CRHR2: variants seen among roughly 807,000 people sequenced by gnomAD.
CRHR2 encodes corticotropin releasing hormone receptor 2, also known as corticotropin-releasing hormone receptor 2.
CRHR2 carries 53 observed loss-of-function variants against 57.9 expected under a neutral mutation model. The ratio of observed to expected loss-of-function variants is 0.92; its 90% confidence interval spans 0.73 to 1.15. The LOEUF is 1.15. Ranked by LOEUF, CRHR2 falls within the 50% of genes most tolerant of loss-of-function variation. The probability of loss-of-function intolerance (pLI) is 0.00; values close to 1 mark genes in which losing one functional copy is unlikely to be tolerated. For synonymous variants in CRHR2, 213 were observed against 220.9 expected, an observed-to-expected ratio of 0.96 and a Z score of 0.32; for missense variants, 532 against 542.6, an observed-to-expected ratio of 0.98 and a Z score of 0.19.
At chr7:30,672,927 G>A (rs1017083532) in intron 2 of CRHR2, among the ~76,000 whole-genome samples, 11 of 152,184 alleles carry the variant, frequency 7.2e-5, no homozygotes, top group African/African-American at 2.7e-4. Flanking sequence ...CTCTCCCTTG[G>A]GACACGCTTC....
intron 1 of CRHR2, among the ~76,000 whole-genome samples, chr7:30,694,586 C>T (rs937087639): frequency 6.6e-6 from 1 of 152,164 alleles, no homozygotes; most frequent in African/African-American, 2.4e-5. Context: ...GCCCAGGCTG[C>T]CAGGGACCGG....
chr7:30,678,874 A>G (rs1278759346), intron 2 of CRHR2, among the ~76,000 whole-genome samples: 2 of 152,172 alleles, frequency 1.3e-5, no homozygotes, highest in East Asian at 1.9e-4. Flanking sequence ...GGGTCTGTGC[A>G]GAAATCCCCT....
intron 1 of CRHR2, among the ~76,000 whole-genome samples, chr7:30,695,932 A>G (rs1785047975): frequency 6.6e-6 from 1 of 152,178 alleles, no homozygotes; most frequent in South Asian, 2.1e-4. Flanking sequence ...AGGTAAAAAT[A>G]GGTGAGGTGC....
chr7:30,667,170 A>T, intron 3 of CRHR2, 58 bp downstream of exon 3: 1 of 1,518,494 alleles, frequency 6.6e-7, no homozygotes. Context: ...TTCTCTGCTC[A>T]ACCTGAGTCC....
upstream of CRHR2, chr7:30,682,847 TGAGCGAGGACACTG>T (rs1314392642): frequency 6.6e-6 from 1 of 152,564 alleles, no homozygotes; most frequent in Non-Finnish European, 1.5e-5. Flanking sequence ...TTCCCCTCCC[TGAGCGAGGACACTG>T]GAGGGAGGCA....
upstream of CRHR2, among the ~76,000 whole-genome samples, chr7:30,683,737 A>T (rs1391147839): frequency 6.6e-6 from 1 of 152,116 alleles, no homozygotes; most frequent in Non-Finnish European, 1.5e-5. Flanking sequence ...TCTGGGGAAG[A>T]CATACATGTG....
At chr7:30,655,540 A>G in intron 10 of CRHR2, 40 bp downstream of exon 10, 1 of 1,588,808 alleles carries the variant, frequency 6.3e-7, no homozygotes, top group Non-Finnish European at 8.6e-7. Context: ...CAGCCTCAGG[A>G]AAGCTCACTG....
intron 2 of CRHR2, among the ~76,000 whole-genome samples, chr7:30,668,925 C>T (rs1784269370): frequency 6.6e-6 from 1 of 152,176 alleles, no homozygotes; most frequent in Non-Finnish European, 1.5e-5. Flanking sequence ...CAGGTGGGAT[C>T]TAATTTGATA....
upstream of CRHR2, among the ~76,000 whole-genome samples, chr7:30,685,443 T>C (rs1267926575): frequency 6.6e-6 from 1 of 152,214 alleles, no homozygotes; most frequent in Non-Finnish European, 1.5e-5. Flanking sequence ...AGAGGGAGTC[T>C]ATTCAGGCAC....
rs1339969033 is a variant in CRHR2 at position 30,652,091 on chromosome 7, ACT to A, written c.*1367_*1368del. 2 of 152,218 alleles carry A rather than the reference ACT, an allele frequency of 1.3e-5. No homozygotes were observed. The highest frequency in any genetic ancestry group is 2.9e-5 in the Non-Finnish European group (2 of 68,032). The allele number at this position is 152,218 out of a possible 1,614,324, so 9.4% of individuals were successfully genotyped here. ...AAGACGGGATACATGATTTTTCAAA[ACT>A]TATTTTTGTAGGGGGTACCTAGAGC... On this transcript the variant is annotated 3_prime_UTR_variant, in exon 12 of 12. Coordinates refer to ENST00000471646, the MANE Select transcript of CRHR2 (RefSeq NM_001883.5). The surrounding 1 kb of genome is among the most constrained non-coding windows in gnomAD (Gnocchi z 4.4).
rs543221809 is a variant in CRHR2 at position 30,653,379 on chromosome 7, C to T, written c.*81G>A. ...CTCTCCCCTCCCATCTCCTGCCCCACGAGAGCCTGCCCAGCACAGAGAACC... is the reference window on the plus strand; with the variant it reads ...CTCTCCCCTCCCATCTCCTGCCCCATGAGAGCCTGCCCAGCACAGAGAACC... On this transcript the variant is annotated 3_prime_UTR_variant, in exon 12 of 12. Transcript: ENST00000471646. The surrounding 1 kb of genome is among the most constrained non-coding windows in gnomAD (Gnocchi z 5.0). 9.9e-5 allele frequency: 153 copies of T among 1,539,636 alleles called. 1 individual carries two copies. The South Asian group carries it at 1.5e-3, about 15-fold the overall frequency.
upstream of CRHR2, among the ~76,000 whole-genome samples, chr7:30,685,850 G>A (rs567953005): frequency 2.0e-5 from 3 of 152,158 alleles, no homozygotes; most frequent in East Asian, 1.9e-4. Context: ...TTATAATTAC[G>A]ATCCTGTCAC....
upstream of CRHR2, among the ~76,000 whole-genome samples, chr7:30,683,877 A>G (rs1050267170): frequency 6.6e-6 from 1 of 152,200 alleles, no homozygotes. Context: ...ACCACCATGA[A>G]CTAGCACCAT....
chr7:30,669,356 GGTGA>G (rs1784287953), intron 2 of CRHR2, among the ~76,000 whole-genome samples: 1 of 152,146 alleles, frequency 6.6e-6, no homozygotes, highest in Admixed American at 6.5e-5. Flanking sequence ...GAGCTGTCTA[GGTGA>G]GTGAGTCTGG....
At position 30,656,192 on chromosome 7, in the gene CRHR2, A is replaced by G. The variant is rs1783783720; in HGVS notation, c.832-180T>C. 6.6e-6 allele frequency among the ~76,000 whole-genome samples: 1 copy of G among 151,520 alleles called. No individual in the cohort carries two copies. The highest frequency in any genetic ancestry group is 6.6e-5 in the Admixed American group (1 of 15,236). ...AGGCCTGTGCTCCTCCCTCGCCAGG[A>G]TGGGGAGACAGCCCCATTTTCCAGG... On this transcript the variant is annotated intron_variant, in intron 8 of 11. Coordinates refer to ENST00000471646, the MANE Select transcript of CRHR2 (RefSeq NM_001883.5). The surrounding 1 kb of genome is among the most constrained non-coding windows in gnomAD (Gnocchi z 4.4).
chr7:30,682,243 T>C lies in CRHR2; in HGVS notation c.38A>G (p.Asn13Ser), dbSNP rs559667175. 2.5e-6 allele frequency: 4 copies of C among 1,589,386 alleles called. No individual in the cohort carries two copies. In the East Asian group the frequency reaches 6.9e-5, roughly 27 times the overall value. The change falls in exon 1 of 12, where the codon AAC becomes AGC. Residue 13 changes from asparagine (N) to serine (S), a missense_variant. Transcript: ENST00000471646. ...CTCTTCAGCCAGCGCCAGGCTGCAG[T>C]TGGCCTCCAGCAGGCTGTGGAGCAG... ...AALLHSLLEA[N>S]CSLALAEELL...
At chr7:30,671,226 T>C (rs1784341245) in intron 2 of CRHR2, among the ~76,000 whole-genome samples, 1 of 152,240 alleles carries the variant, frequency 6.6e-6, no homozygotes, top group Non-Finnish European at 1.5e-5. Flanking sequence ...TTATATGTTA[T>C]GTGAGACTCC....
Position 30,656,981 on chromosome 7 carries a change from C to T in CRHR2, c.832-969G>A, listed in dbSNP as rs182699415. On this transcript the variant is annotated intron_variant, in intron 8 of 11. Transcript: ENST00000471646. This position sits in a 1 kb window ranked among gnomAD's most constrained non-coding sequence, Gnocchi z 4.4. ...GGCAGGCAGGCAAGGGAGTGTGTGT[C>T]GGCCTGACACAGTGGGGCTGTTTCC... 3.5e-4 allele frequency among the ~76,000 whole-genome samples: 54 copies of T among 152,198 alleles called. No homozygotes were observed. Among genetic ancestry groups the T allele is most frequent in the African/African-American group, 1.3e-3 (52 of 41,516 alleles).
intron 8 of CRHR2, 94 bp downstream of exon 8, chr7:30,660,478 GC>G (rs1433112081): frequency 2.3e-6 from 3 of 1,283,252 alleles, no homozygotes; most frequent in Non-Finnish European, 3.3e-6. Flanking sequence ...GCGCAGGGCT[GC>G]CCATGCCACA....
Sources: allele counts gnomAD v4.1 joint callset (sites outside exome capture counted in the v4.1 genomes callset), GRCh38; gene constraint gnomAD v4.1.1; non-coding constraint Gnocchi (gnomAD v3.1); transcripts MANE v1.5; gene names NCBI Gene and HGNC (gene_info 2026-07-23, HGNC 2026-07-21).